Variants in IGFN1 observed in about 807,000 individuals in gnomAD.
IGFN1 encodes immunoglobulin-like and fibronectin type III domain-containing protein 1.
Under a neutral mutation model 289.5 loss-of-function variants are expected in IGFN1, and 253 were observed. The observed-to-expected ratio is 0.87, with a 90% CI of 0.79 to 0.97. The LOEUF (loss-of-function observed/expected upper bound fraction) is 0.97, where lower values mean the gene tolerates loss of function less well. Among genes scored for constraint, IGFN1 ranks in the 50% least tolerant of loss-of-function variants. IGFN1 has a pLI of 0.00. For missense variants in IGFN1, 4,470 were observed against 4,686.1 expected (o/e 0.95, Z 1.35); for synonymous variants, 1,706 against 1,788.5 (o/e 0.95, Z 1.16).
At position 201,206,570 on chromosome 1, in the gene IGFN1, G is replaced by A. The variant is rs1467280930; in HGVS notation, c.1677G>A (p.Trp559Ter). 4 of 1,550,026 alleles carry A rather than the reference G, an allele frequency of 2.6e-6. No homozygotes were observed. The highest frequency in any genetic ancestry group is 2.0e-5 in the Admixed American group (1 of 50,976). ...SDECWRKAGG[W>*]EAGSSRLQAG... Reference sequence around the variant, plus strand: ...AATGCTGGAGGAAAGCAGGAGGCTGGGAGGCTGGGTCCAGTCGGCTTCAGG... The same window carrying A: ...AATGCTGGAGGAAAGCAGGAGGCTGAGAGGCTGGGTCCAGTCGGCTTCAGG... The change falls in exon 12 of 24, where the codon TGG (tryptophan) becomes TGA (stop). Residue 559 changes from tryptophan (W) to a stop codon, truncating the protein, a stop_gained. Transcript: ENST00000335211. LOFTEE classifies it high-confidence loss of function.
chr1:201,208,076 C>T lies in IGFN1; in HGVS notation c.3183C>T (p.Cys1061=). The T allele has an allele frequency of 6.5e-7, 1 of 1,536,978 alleles. No homozygotes were observed. Among genetic ancestry groups the T allele is most frequent in the South Asian group, 1.2e-5 (1 of 84,058 alleles). ...ACACCAGGAATTGGGCCTCTGCATG[C>T]CAGGCAGGCATGGACCCTAGGGGAG... is the stretch of plus-strand genomic sequence containing the variant. ...MNDTRNWASA[C]QAGMDPRGGH... The change falls in exon 12 of 24, where the codon TGC becomes TGT. Residue 1061 remains cysteine, a synonymous_variant. Coordinates refer to ENST00000335211, the MANE Select transcript of IGFN1 (RefSeq NM_001164586.2).
rs1294361702 is a variant in IGFN1, at chr1:201,212,385, G to T, written c.7492G>T (p.Gly2498Trp). Residue 2498 changes from glycine to tryptophan, a missense_variant, in exon 12 of 24, where the codon GGG becomes TGG. Transcript: ENST00000335211. The stretch of plus-strand genomic sequence containing the variant: ...TGTCAAAGAATGGCAAGACAGTTCT[G>T]GGACTCCAGGGTCTTCTAGAGACAG... ...PDVKEWQDSS[G>W]TPGSSRDRGA... 6.5e-7 allele frequency: 1 copy of T among 1,536,930 alleles called. No individual in the cohort carries two copies. Among genetic ancestry groups the T allele is most frequent in the Admixed American group, 2.0e-5 (1 of 50,982 alleles).
chr1:201,196,620 C>T (rs1666933180), intron 4 of IGFN1, among the ~76,000 whole-genome samples: 1 of 152,160 alleles, frequency 6.6e-6, no homozygotes, highest in African/African-American at 2.4e-5. Context: ...GCTGGGATTA[C>T]AGACATGAGC....
chr1:201,197,305 A>T lies in IGFN1; in HGVS notation c.355A>T (p.Thr119Ser). 1.9e-6 allele frequency: 3 copies of T among 1,550,116 alleles called. No homozygotes were observed. The South Asian group carries it at 3.6e-5, about 18-fold the overall frequency. ...AGAGGCCGCTTGCTCAGTGAGACTC[A>T]CTGTCATCGAAGGTGGGCTTTTCCC... Reference protein sequence around the residue: ...YGEAACSVRLTVIEVGFRKNR... With the variant: ...YGEAACSVRLSVIEVGFRKNR... Residue 119 changes from threonine (T) to serine (S), a missense_variant, in exon 5 of 24, where the codon ACT becomes TCT. By Grantham distance (58) the Thr-to-Ser change is moderately conservative. Coordinates refer to ENST00000335211, the MANE Select transcript of IGFN1 (RefSeq NM_001164586.2).
intron 1 of IGFN1, among the ~76,000 whole-genome samples, chr1:201,191,387 AG>A (rs566575938): frequency 3.4e-4 from 51 of 152,068 alleles, no homozygotes; most frequent in African/African-American, 1.2e-3. Context: ...GGATCCGGGG[AG>A]GGTAGGGAAA....
rs1667346787 is a variant in IGFN1 at position 201,205,167 on chromosome 1, C to T, written c.1002C>T (p.Ser334=). The part of the protein sequence containing the change: ...GDAVFECTLS[S]PCPSAAWHFR... ...CAGTCTTTGAATGTACCCTCTCCAG[C>T]CCCTGCCCTAGTGCAGCCTGGCATT... The change falls in exon 11 of 24, where the codon AGC becomes AGT. Residue 334 remains serine, a synonymous_variant. Coordinates refer to ENST00000335211, the MANE Select transcript of IGFN1 (RefSeq NM_001164586.2). The T allele has an allele frequency of 6.4e-7, 1 of 1,551,182 alleles. No homozygotes were observed. Among genetic ancestry groups the T allele is most frequent in the Admixed American group, 2.0e-5 (1 of 50,994 alleles).
In IGFN1 at chr1:201,221,599, CAT is replaced by C; in HGVS notation, c.10055_10056del (p.His3352ArgfsTer28). The C allele has an allele frequency of 3.1e-6, 5 of 1,614,198 alleles. No individual in the cohort carries two copies. The Middle Eastern group carries it at 6.6e-4, about 213-fold the overall frequency. ...SSDSLQWLPC[H>X]VGTVPVTTYT... ...AGACAGTCTCCAGTGGCTCCCGTGC[CAT>C]GTGGGCACCGTGCCAGTCACCACCT... On this transcript the variant is annotated frameshift_variant, in exon 19 of 24. Transcript: ENST00000335211. LOFTEE classifies it high-confidence loss of function.
At chr1:201,191,585 C>G (rs1666660939) in intron 1 of IGFN1, among the ~76,000 whole-genome samples, 2 of 152,182 alleles carry the variant, frequency 1.3e-5, no homozygotes, top group African/African-American at 4.8e-5. Context: ...TTTCTCATCC[C>G]TTCCAACTGA....
rs532291490 is a variant in IGFN1, at chr1:201,218,646, C to T, written c.9886C>T (p.Arg3296Trp). Reference sequence around the variant, plus strand: ...ACCTCCATCGGATGCTGTCTTTGCTCGGGACCCCATGAGTAAGTAGGGCAC... The same window carrying T: ...ACCTCCATCGGATGCTGTCTTTGCTTGGGACCCCATGAGTAAGTAGGGCAC... ...PGPPSDAVFA[R>W]DPMRPPGLVR... is the part of the protein sequence containing the mutation. The change falls in exon 18 of 24, where the codon CGG becomes TGG. Residue 3296 changes from arginine (R) to tryptophan (W), a missense_variant. Arg to Trp is a moderately radical substitution (Grantham distance 101, BLOSUM62 -3). Coordinates refer to ENST00000335211, the MANE Select transcript of IGFN1 (RefSeq NM_001164586.2). The T allele has an allele frequency of 8.7e-6, 14 of 1,605,390 alleles. No homozygotes were observed. The highest frequency in any genetic ancestry group is 4.0e-5 in the African/African-American group (3 of 74,852).
At chr1:201,195,698 G>C (rs1666887782) in intron 3 of IGFN1, 141 bp from the exon 4 acceptor site, 1 of 877,578 alleles carries the variant, frequency 1.1e-6, no homozygotes, top group Non-Finnish European at 1.7e-6. Flanking sequence ...TGAGTCAAGG[G>C]GACCAAGGCC....
chr1:201,213,525 G>A lies in IGFN1; in HGVS notation c.8632G>A (p.Gly2878Ser), dbSNP rs754823132. The A allele has an allele frequency of 2.5e-5, 40 of 1,614,030 alleles. 1 individual carries two copies. In the South Asian group the frequency reaches 3.2e-4, roughly 13 times the overall value. The change falls in exon 12 of 24, where the codon GGC becomes AGC. Residue 2878 changes from glycine (G) to serine (S), a missense_variant. Physicochemically the swap from Gly to Ser is moderately conservative, Grantham distance 56 (BLOSUM62 0). Transcript: ENST00000335211. ...TGGTAGCAGGAGAAGTGGCAAAGAC[G>A]GCAGGTTGGACATCTATGGAGAGAG... ...HLGSRRSGKD[G>S]RLDIYGERRD...
rs1667449316 is a variant in IGFN1 at position 201,206,859 on chromosome 1, G to A, written c.1966G>A (p.Gly656Ser). The A allele has an allele frequency of 6.5e-7, 1 of 1,536,564 alleles. No individual in the cohort carries two copies. The highest frequency in any genetic ancestry group is 2.4e-5 in the East Asian group (1 of 40,900). ...RERGRGIVVWGGGTGLGEAGD... is the reference protein window; with the variant it reads ...RERGRGIVVWSGGTGLGEAGD... ...AAGGGGGAGAGGAATAGTAGTGTGG[G>A]GTGGTGGGACTGGCCTGGGAGAAGC... The change falls in exon 12 of 24, where the codon GGT (glycine) becomes AGT (serine). Residue 656 changes from glycine (G) to serine (S), a missense_variant. By Grantham distance (56) the Gly-to-Ser change is moderately conservative. This residue lies in a region of IGFN1 where 2,011 missense variants were observed against 1,953.4 expected (regional missense o/e 1.03). Coordinates refer to ENST00000335211, the MANE Select transcript of IGFN1 (RefSeq NM_001164586.2).
Position 201,226,942 on chromosome 1 carries a change from T to A in IGFN1, c.10847T>A (p.Phe3616Tyr), listed in dbSNP as rs1654137458. The change falls in exon 23 of 24, where the codon TTC becomes TAC. Residue 3616 changes from phenylalanine (F) to tyrosine (Y), a missense_variant. Phe to Tyr is a conservative substitution (Grantham distance 22). Transcript: ENST00000335211. ...CCCGACCTGAGCCAGAAGCCCCGGT[T>A]CCTGGTGGGCCTGCGGTCCCACCTG... ...REPDLSQKPR[F>Y]LVGLRSHLLP... 6.2e-7 allele frequency: 1 copy of A among 1,611,432 alleles called. No homozygotes were observed. Among genetic ancestry groups the A allele is most frequent in the Non-Finnish European group, 8.5e-7 (1 of 1,178,950 alleles).
chr1:201,222,914 G>A, intron 20 of IGFN1, 87 bp downstream of exon 20: 1 of 838,930 alleles, frequency 1.2e-6, no homozygotes, highest in South Asian at 1.8e-5. Flanking sequence ...TTTCTTCCCT[G>A]TTCCTTTTTG....
intron 18 of IGFN1, among the ~76,000 whole-genome samples, chr1:201,220,248 T>A (rs1653643283): frequency 6.6e-6 from 1 of 151,954 alleles, no homozygotes; most frequent in African/African-American, 2.4e-5. Flanking sequence ...AGTGATGCAA[T>A]CTCGGCTCAC....
chr1:201,222,731 C>T lies in IGFN1; in HGVS notation c.10202-8C>T, dbSNP rs200492029. 6.2e-7 allele frequency: 1 copy of T among 1,606,160 alleles called. No individual in the cohort carries two copies. The highest frequency in any genetic ancestry group is 8.5e-7 in the Non-Finnish European group (1 of 1,173,948). ...GAGGGAGGTAACCAGTCCTCTTGTG[C>T]GTTTCAGTCTGTCCCAAGTTCCTCG... On this transcript the variant is annotated splice_region_variant and splice_polypyrimidine_tract_variant and intron_variant, in intron 19 of 23. Transcript: ENST00000335211.
In IGFN1 at chr1:201,208,366, C is replaced by T. The variant is rs1312361998; in HGVS notation, c.3473C>T (p.Ala1158Val). Reference sequence around the variant, plus strand: ...GCCATGGGACCAGGGTCTCTGAGGGCAGGAAGCAAAGTGGGTGAGGGGGAT... The same window carrying T: ...GCCATGGGACCAGGGTCTCTGAGGGTAGGAAGCAAAGTGGGTGAGGGGGAT... ...PGAMGPGSLR[A>V]GSKVGEGDGT... Residue 1158 changes from alanine to valine, a missense_variant, in exon 12 of 24, where the codon GCA becomes GTA. Transcript: ENST00000335211. The T allele has an allele frequency of 6.8e-7, 1 of 1,461,350 alleles. No individual in the cohort carries two copies. Among genetic ancestry groups the T allele is most frequent in the Non-Finnish European group, 9.0e-7 (1 of 1,116,572 alleles). 90.5% of individuals were successfully genotyped at this position (1,461,350 alleles called of 1,614,324 possible). A position where few individuals can be genotyped will look rare whatever the true frequency, so the allele number is the denominator to read the frequency against.
chr1:201,224,027 C>T (rs116292470), intron 20 of IGFN1, among the ~76,000 whole-genome samples: 206 of 152,308 alleles, frequency 1.4e-3, no homozygotes, highest in African/African-American at 4.8e-3. Flanking sequence ...CTTAAATTCT[C>T]AGAACAATCC....
chr1:201,226,209 G>A (rs531477221), intron 22 of IGFN1, 86 bp downstream of exon 22: 16 of 1,378,126 alleles, frequency 1.2e-5, no homozygotes, highest in East Asian at 5.1e-5. Context: ...TGGCAAGCGC[G>A]CAGGATAGGG....
Sources: gnomAD v4.1 joint callset for allele counts (sites outside exome capture counted in the v4.1 genomes callset) on GRCh38, gnomAD v4.1.1 for gene constraint, gnomAD v4.1.1 regional missense constraint, MANE v1.5 for transcripts, NCBI Gene and HGNC (gene_info 2026-07-23, HGNC 2026-07-21) for gene names.